PMM2: variants seen among roughly 807,000 people sequenced by gnomAD.
The protein encoded by PMM2 is mannose-6-phosphate isomerase.
A neutral mutation model predicts 33.2 loss-of-function variants in PMM2; 35 were observed. That is an observed-to-expected ratio of 1.06 (90% CI 0.81 to 1.40). PMM2 has a LOEUF of 1.40. PMM2 is among the 40% of genes most tolerant of loss of function. The pLI is 0.00. For missense variants in PMM2, 386 were observed against 306.0 expected (o/e 1.26, Z -1.95); for synonymous variants, 153 against 114.7 (o/e 1.33, Z -2.13).
Position 8,827,815 on chromosome 16 carries a change from TA to T in PMM2, c.639+14710del, listed in dbSNP as rs1567164739. ...ATATTTATACATATTTATATATTTA[TA>T]TAATATATATTATATATATTGTATA... is the stretch of plus-strand genomic sequence containing the variant. On this transcript the variant is annotated intron_variant, in intron 7 of 7. Coordinates refer to ENST00000268261, the MANE Select transcript of PMM2 (RefSeq NM_000303.3). 3.8e-5 allele frequency among the ~76,000 whole-genome samples: 4 copies of T among 106,476 alleles called. 1 individual carries two copies. Among genetic ancestry groups the T allele is most frequent in the African/African-American group, 1.4e-4 (4 of 28,140 alleles). The allele number at this position is 106,476 out of a possible 152,430, so 69.9% of individuals were successfully genotyped here. A position where few individuals can be genotyped will look rare whatever the true frequency, so the allele number is the denominator to read the frequency against.
chr16:8,840,750 G>T (rs1485714305), intron 7 of PMM2, among the ~76,000 whole-genome samples: 1 of 151,986 alleles, frequency 6.6e-6, no homozygotes, highest in Non-Finnish European at 1.5e-5. Flanking sequence ...CCTGCAGGCG[G>T]ACAGCAGTCG....
chr16:8,824,474 T>C (rs2060755116), intron 7 of PMM2, among the ~76,000 whole-genome samples: 1 of 152,220 alleles, frequency 6.6e-6, no homozygotes, highest in African/African-American at 2.4e-5. Context: ...TTATTACTCA[T>C]AACATATACT....
intron 1 of PMM2, 23 bp downstream of exon 1, chr16:8,797,971 C>G: frequency 6.3e-7 from 1 of 1,583,276 alleles, no homozygotes; most frequent in Non-Finnish European, 8.6e-7. Flanking sequence ...CGGCGGGCTG[C>G]TGGCAGCCGA....
chr16:8,848,549 C>G lies in PMM2; in HGVS notation c.*724C>G, dbSNP rs2060944402. On this transcript the variant is annotated 3_prime_UTR_variant, in exon 8 of 8. Coordinates refer to ENST00000268261, the MANE Select transcript of PMM2 (RefSeq NM_000303.3). Reference sequence around the variant, plus strand: ...CAGAATAGCCTGGCTGCTTCTCTGTCTCCGAGACCGGAGGTAGTGGGAACC... The same window carrying G: ...CAGAATAGCCTGGCTGCTTCTCTGTGTCCGAGACCGGAGGTAGTGGGAACC... 1 of 152,560 alleles carries G rather than the reference C, an allele frequency of 6.6e-6. No individual in the cohort carries two copies. The highest frequency in any genetic ancestry group is 1.5e-5 in the Non-Finnish European group (1 of 68,284). 9.5% of individuals were successfully genotyped at this position (152,560 alleles called of 1,614,324 possible).
Position 8,804,402 on chromosome 16 carries a change from C to T in PMM2, c.179-365C>T, listed in dbSNP as rs138172388. ...CCCTCAGCAATTCTGATTCAGGAAG[C>T]GAGAGAGCAAAGCTTGGAAATCTGC... On this transcript the variant is annotated intron_variant, in intron 2 of 7. Coordinates refer to ENST00000268261, the MANE Select transcript of PMM2 (RefSeq NM_000303.3). Among the ~76,000 whole-genome samples the T allele has an allele frequency of 3.2e-4, 48 of 152,124 alleles. No individual in the cohort carries two copies. The East Asian group carries it at 8.7e-3, about 28-fold the overall frequency.
chr16:8,826,163 G>C (rs1363134265), intron 7 of PMM2, among the ~76,000 whole-genome samples: 1 of 152,132 alleles, frequency 6.6e-6, no homozygotes, highest in Non-Finnish European at 1.5e-5. Context: ...ATTTTAGCCA[G>C]CTTGCTCACA....
At chr16:8,806,642 T>A (rs1203985881) in intron 4 of PMM2, 1 of 569,208 alleles carries the variant, frequency 1.8e-6, no homozygotes, top group African/African-American at 1.9e-5. Flanking sequence ...CAGGGTTCAG[T>A]AGCCACCATG....
intron 7 of PMM2, among the ~76,000 whole-genome samples, chr16:8,830,688 A>C (rs561648675): frequency 3.9e-5 from 6 of 152,310 alleles, no homozygotes; most frequent in South Asian, 2.1e-4. Flanking sequence ...TCTCAGGAGC[A>C]ATGTGGGGAG....
chr16:8,827,094 C>T (rs1015816024), intron 7 of PMM2, among the ~76,000 whole-genome samples: 7 of 152,240 alleles, frequency 4.6e-5, no homozygotes, highest in East Asian at 1.9e-4. Context: ...CAAAACAGAA[C>T]AGAGCCTTAG....
intron 7 of PMM2, among the ~76,000 whole-genome samples, chr16:8,847,268 G>A (rs937807543): frequency 3.3e-5 from 5 of 151,860 alleles, no homozygotes; most frequent in African/African-American, 9.7e-5. Context: ...TGCCATCACC[G>A]CTGATGTCGC....
chr16:8,822,863 A>G (rs1435925102), intron 7 of PMM2, among the ~76,000 whole-genome samples: 1 of 152,224 alleles, frequency 6.6e-6, no homozygotes, highest in Admixed American at 6.5e-5. Flanking sequence ...TCTCATCTAT[A>G]GTTTTAACAA....
chr16:8,814,456 T>TC (rs2060694885), intron 7 of PMM2, among the ~76,000 whole-genome samples: 1 of 152,196 alleles, frequency 6.6e-6, no homozygotes, highest in Non-Finnish European at 1.5e-5. Context: ...CCCTCTGATC[T>TC]CTGGTCCACT....
At chr16:8,824,153 AG>A (rs772943310) in intron 7 of PMM2, among the ~76,000 whole-genome samples, 5 of 152,248 alleles carry the variant, frequency 3.3e-5, no homozygotes, top group Non-Finnish European at 7.3e-5. Flanking sequence ...ATAGCTCAAA[AG>A]AAAAATAGTT....
At chr16:8,843,197 GC>G (rs1421703966) in intron 7 of PMM2, among the ~76,000 whole-genome samples, 1 of 152,146 alleles carries the variant, frequency 6.6e-6, no homozygotes, top group Non-Finnish European at 1.5e-5. Flanking sequence ...AGTTATGGAG[GC>G]AAGGGAAACA....
rs1045087965 is a variant in PMM2 at position 8,848,575 on chromosome 16, A to T, written c.*750A>T. The T allele has an allele frequency of 5.2e-5, 8 of 152,492 alleles. No individual in the cohort carries two copies. The highest frequency in any genetic ancestry group is 1.9e-4 in the African/African-American group (8 of 41,460). The allele number at this position is 152,492 out of a possible 1,614,324, so 9.4% of individuals were successfully genotyped here. On this transcript the variant is annotated 3_prime_UTR_variant, in exon 8 of 8. Transcript: ENST00000268261. Reference sequence around the variant, plus strand: ...TCCGAGACCGGAGGTAGTGGGAACCAACAGCTGGGCTGGAGAGTTGGTGCT... The same window carrying T: ...TCCGAGACCGGAGGTAGTGGGAACCTACAGCTGGGCTGGAGAGTTGGTGCT...
chr16:8,828,549 C>T (rs1252582969), intron 7 of PMM2, among the ~76,000 whole-genome samples: 3 of 152,040 alleles, frequency 2.0e-5, no homozygotes, highest in Admixed American at 6.6e-5. Context: ...GACCAGCTAC[C>T]GACATGAACC....
intron 7 of PMM2, 133 bp from the exon 8 acceptor site, chr16:8,847,591 G>C (rs1406738384): frequency 1.4e-6 from 1 of 717,890 alleles, no homozygotes; most frequent in African/African-American, 1.7e-5. Context: ...GAAACTAAGA[G>C]GAAGGTAGCT....
chr16:8,822,685 A>T (rs190917484), intron 7 of PMM2, among the ~76,000 whole-genome samples: 8 of 152,276 alleles, frequency 5.3e-5, no homozygotes, highest in Admixed American at 4.6e-4. Context: ...GGATATGAAG[A>T]TGGGAAAAGA....
At chr16:8,832,251 G>A (rs1337932863) in intron 7 of PMM2, 91 of 985,328 alleles carry the variant, frequency 9.2e-5, no homozygotes, top group Non-Finnish European at 9.9e-5. Flanking sequence ...GAGGCAGGTT[G>A]TGTTTGTGAT....
Sources: allele counts gnomAD v4.1 joint callset (sites outside exome capture counted in the v4.1 genomes callset), GRCh38; gene constraint gnomAD v4.1.1; transcripts MANE v1.5; gene names NCBI Gene and HGNC (gene_info 2026-07-23, HGNC 2026-07-21).